FAM178B: variants seen among roughly 807,000 people sequenced by gnomAD.
The protein encoded by FAM178B is protein FAM178B.
In FAM178B, 82 loss-of-function variants were observed where a neutral mutation model predicts 91.7. The ratio of observed to expected loss-of-function variants is 0.89; its 90% CI spans 0.75 to 1.07. FAM178B has a LOEUF of 1.07. Among genes scored for constraint, FAM178B ranks in the 50% least tolerant of loss-of-function variants. The probability of loss-of-function intolerance (pLI) is 0.00; values close to 1 mark genes in which losing one functional copy is unlikely to be tolerated. For missense variants in FAM178B, 769 were observed against 846.7 expected, an observed-to-expected ratio of 0.91 and a Z score of 1.14; for synonymous variants, 368 against 359.4, an observed-to-expected ratio of 1.02 and a Z score of -0.27.
intron 8 of FAM178B, among the ~76,000 whole-genome samples, chr2:96,943,694 C>T (rs2081772025): frequency 6.6e-6 from 1 of 152,154 alleles, no homozygotes; most frequent in South Asian, 2.1e-4. Flanking sequence ...CAATGGCCCC[C>T]ACTATCCTTC....
At chr2:96,936,719 C>G (rs1210185494) in intron 8 of FAM178B, among the ~76,000 whole-genome samples, 1 of 151,954 alleles carries the variant, frequency 6.6e-6, no homozygotes, top group East Asian at 1.9e-4. Flanking sequence ...CCATGTTGGC[C>G]AGGCTGGTCT....
chr2:96,963,426 ACATGCCCCAC>A (rs533430182), intron 5 of FAM178B, among the ~76,000 whole-genome samples: 3 of 152,290 alleles, frequency 2.0e-5, no homozygotes, highest in Non-Finnish European at 4.4e-5. Flanking sequence ...AATTCAGTCT[ACATGCCCCAC>A]CATGCCCATC....
Position 96,951,422 on chromosome 2 carries a change from T to C in FAM178B, c.950A>G (p.His317Arg). 6.4e-7 allele frequency: 1 copy of C among 1,551,510 alleles called. No homozygotes were observed. Among genetic ancestry groups the C allele is most frequent in the Non-Finnish European group, 8.7e-7 (1 of 1,146,930 alleles). Residue 317 changes from histidine (H) to arginine (R), a missense_variant, in exon 7 of 17, where the codon CAC becomes CGC. His to Arg is a conservative substitution (Grantham distance 29). Coordinates refer to ENST00000490605, the MANE Select transcript of FAM178B (RefSeq NM_001122646.3). Reference sequence around the variant, plus strand: ...CAGGGATACCGGGCAGTCAGGCATGTGCAGGTAGAGGATGTTCAGGAGGCC... The same window carrying C: ...CAGGGATACCGGGCAGTCAGGCATGCGCAGGTAGAGGATGTTCAGGAGGCC... Reference protein sequence around the residue: ...RSGLLNILYLHMPDCPVSLLQ... With the variant: ...RSGLLNILYLRMPDCPVSLLQ...
chr2:96,887,010 C>T (rs763744670), intron 14 of FAM178B, among the ~76,000 whole-genome samples: 2 of 152,100 alleles, frequency 1.3e-5, no homozygotes. Flanking sequence ...GTCAGGAGAT[C>T]GAGACCATCC....
At chr2:96,941,884 A>G (rs1042830698) in intron 8 of FAM178B, among the ~76,000 whole-genome samples, 1 of 152,242 alleles carries the variant, frequency 6.6e-6, no homozygotes, top group East Asian at 1.9e-4. Context: ...ACAGTCATAT[A>G]CCAGCTCAGC....
At chr2:96,965,911 G>T (rs910644785) in intron 5 of FAM178B, among the ~76,000 whole-genome samples, 1 of 151,944 alleles carries the variant, frequency 6.6e-6, no homozygotes, top group African/African-American at 2.4e-5. Flanking sequence ...AATACACCCA[G>T]AATTTGCCCA....
intron 1 of FAM178B, among the ~76,000 whole-genome samples, chr2:96,977,237 T>C (rs768859622): frequency 8.2e-6 from 1 of 121,714 alleles, no homozygotes; most frequent in Non-Finnish European, 1.7e-5. Flanking sequence ...ATACAAAAAT[T>C]AGCCAGGCGT....
At position 96,979,834 on chromosome 2, in the gene FAM178B, G is replaced by A. The variant is rs150392171; in HGVS notation, c.73+6407C>T. Among the ~76,000 whole-genome samples, 39 of 152,278 alleles carry A rather than the reference G, an allele frequency of 2.6e-4. No individual in the cohort carries two copies. The East Asian group carries it at 7.5e-3, about 29-fold the overall frequency. On this transcript the variant is annotated intron_variant, in intron 1 of 16. Coordinates refer to ENST00000490605, the MANE Select transcript of FAM178B (RefSeq NM_001122646.3). Reference sequence around the variant, plus strand: ...TTGAGTAACAGCCATTCTGACTGACGTGAGTCGGGATTGCACTGAGTCACA... The same window carrying A: ...TTGAGTAACAGCCATTCTGACTGACATGAGTCGGGATTGCACTGAGTCACA...
At chr2:96,920,564 C>T (rs1423481245) in intron 12 of FAM178B, among the ~76,000 whole-genome samples, 1 of 152,014 alleles carries the variant, frequency 6.6e-6, no homozygotes, top group Non-Finnish European at 1.5e-5. Context: ...CGCACCACTG[C>T]ACTCCAGCCT....
At chr2:96,964,111 C>T (rs56223017) in intron 5 of FAM178B, among the ~76,000 whole-genome samples, 3,118 of 151,604 alleles carry the variant, frequency 0.021, 49 homozygotes, top group Non-Finnish European at 0.032. Flanking sequence ...ACCTGGGAGG[C>T]GGAGGTTGCA....
At chr2:96,905,861 T>TG (rs1491541308) in intron 12 of FAM178B, among the ~76,000 whole-genome samples, 3 of 19,790 alleles carry the variant, frequency 1.5e-4, no homozygotes, top group Non-Finnish European at 1.6e-4. Flanking sequence ...TATATATATA[T>TG]TTTTTTTTTT....
chr2:96,947,671 G>T, intron 8 of FAM178B, 147 bp downstream of exon 8: 1 of 561,226 alleles, frequency 1.8e-6, no homozygotes. Flanking sequence ...GCTGGAGCCT[G>T]AGCCAAAGAT....
intron 4 of FAM178B, 32 bp from the exon 5 acceptor site, chr2:96,967,659 C>CA: frequency 6.9e-7 from 1 of 1,444,190 alleles, no homozygotes; most frequent in Admixed American, 2.0e-5. Flanking sequence ...AGCCGGGGGT[C>CA]AGTGTTGTTC....
chr2:96,977,384 CAAAAA>C (rs754852439), intron 1 of FAM178B, among the ~76,000 whole-genome samples: 1 of 24,532 alleles, frequency 4.1e-5, no homozygotes, highest in Admixed American at 3.6e-4. Flanking sequence ...GACTCCGTCT[CAAAAA>C]AAAAAAAAAA....
At chr2:96,876,818 G>A (rs1302246351) in intron 16 of FAM178B, among the ~76,000 whole-genome samples, 1 of 152,112 alleles carries the variant, frequency 6.6e-6, no homozygotes, top group Non-Finnish European at 1.5e-5. Context: ...GAGGACTGGG[G>A]GCTCAGGAAG....
At chr2:96,960,480 T>C in intron 5 of FAM178B, 40 bp from the exon 6 acceptor site, 4 of 1,506,308 alleles carry the variant, frequency 2.7e-6, no homozygotes, top group Non-Finnish European at 3.6e-6. Context: ...CATCAGCAGA[T>C]GCACCTCGGC....
intron 1 of FAM178B, among the ~76,000 whole-genome samples, chr2:96,975,094 CA>C (rs34807786): frequency 0.011 from 641 of 56,246 alleles, 2 homozygotes; most frequent in African/African-American, 0.051. Context: ...GACTCTGTCT[CA>C]AAAAAAAAAA....
chr2:96,896,219 C>A (rs544936768), intron 13 of FAM178B, among the ~76,000 whole-genome samples: 1 of 152,300 alleles, frequency 6.6e-6, no homozygotes, highest in Admixed American at 6.5e-5. Flanking sequence ...TGGGCAGGGG[C>A]GCACAGGACA....
chr2:96,970,108 CCTGT>C (rs2082197036), intron 4 of FAM178B, among the ~76,000 whole-genome samples: 1 of 152,198 alleles, frequency 6.6e-6, no homozygotes, highest in Non-Finnish European at 1.5e-5. Context: ...GAAGACGACC[CCTGT>C]CTGTCCCCAG....
Sources: allele counts gnomAD v4.1 joint callset (sites outside exome capture counted in the v4.1 genomes callset), GRCh38; gene constraint gnomAD v4.1.1; transcripts MANE v1.5; gene names NCBI Gene and HGNC (gene_info 2026-07-23, HGNC 2026-07-21).